SEPTIN4: variants seen among roughly 807,000 people sequenced by gnomAD.
SEPTIN4 encodes the protein septin-4.
A neutral mutation model predicts 107.1 loss-of-function variants in SEPTIN4; 52 were observed. The observed-to-expected ratio is 0.49, with a 90% CI of 0.39 to 0.61. The LOEUF (loss-of-function observed/expected upper bound fraction) is 0.61, where lower values mean the gene tolerates loss of function less well. Among genes scored for constraint, SEPTIN4 ranks in the 20% least tolerant of loss-of-function variants. The pLI is 0.00. For missense variants in SEPTIN4, 1,048 were observed against 1,243.5 expected, an observed-to-expected ratio of 0.84 and a Z score of 2.36; for synonymous variants, 417 against 467.0, an observed-to-expected ratio of 0.89 and a Z score of 1.38.
intron 3 of SEPTIN4, chr17:58,539,271 T>G: frequency 9.0e-7 from 1 of 1,106,612 alleles, no homozygotes; most frequent in Non-Finnish European, 1.3e-6. Flanking sequence ...GCCAAGGCTT[T>G]TGACTTCCTA....
In SEPTIN4 at chr17:58,526,785, TGGG is replaced by T; in HGVS notation, c.1805_1807del (p.Pro602del). The T allele has an allele frequency of 6.2e-7, 1 of 1,613,542 alleles. No homozygotes were observed. The highest frequency in any genetic ancestry group is 2.2e-5 in the East Asian group (1 of 44,860). On this transcript the variant is annotated inframe_deletion, in exon 4 of 14. Coordinates refer to ENST00000672673, the MANE Select transcript of SEPTIN4 (RefSeq NM_001368771.2). ...GAAGTACTGCTGGTTGTCAGAGGACTGGGGCCGCGAGGGGGGTCTGAACTCCAG... is the reference window on the plus strand; with the variant it reads ...GAAGTACTGCTGGTTGTCAGAGGACTGCCGCGAGGGGGGTCTGAACTCCAG...
At chr17:58,525,263 G>A (rs538696419) in intron 6 of SEPTIN4, 62 bp from the exon 7 acceptor site, 129 of 1,592,202 alleles carry the variant, frequency 8.1e-5, no homozygotes, top group African/African-American at 2.1e-4. Context: ...AGGATGAACC[G>A]CCCACCCCAA....
At position 58,526,835 on chromosome 17, in the gene SEPTIN4, G is replaced by A; in HGVS notation, c.1758C>T (p.Ala586=). 1 of 1,613,802 alleles carries A rather than the reference G, an allele frequency of 6.2e-7. No individual in the cohort carries two copies. Among genetic ancestry groups the A allele is most frequent in the Non-Finnish European group, 8.5e-7 (1 of 1,179,928 alleles). The change falls in exon 4 of 14, where the codon GCC becomes GCT. Residue 586 remains alanine, a synonymous_variant. Transcript: ENST00000672673. The part of the protein sequence containing the change: ...RPQVPEPRPQ[A]PDLYDDDLEF... ...CCAGGTCATCATCATAGAGGTCCGG[G>A]GCCTGGGGCCTTGGCTCCGGGACTT...
rs1398699247 is a variant in SEPTIN4, at chr17:58,541,951, A to C, written c.1577T>G (p.Met526Arg). The C allele has an allele frequency of 6.2e-7, 1 of 1,613,890 alleles. No homozygotes were observed. The highest frequency in any genetic ancestry group is 1.1e-5 in the South Asian group (1 of 91,054). ...TAGCCACCAGATGACACGATTGTAC[A>C]TTTCCTCAGAGACATCTGAAAGTAA... ...TAFFLDVSEE[M>R]YNRVIWWLKD... is the part of the protein sequence containing the mutation. The change falls in exon 2 of 14, where the codon ATG (methionine) becomes AGG (arginine). Residue 526 changes from methionine (M) to arginine (R), a missense_variant. Physicochemically the swap from Met to Arg is moderately conservative, Grantham distance 91 (BLOSUM62 -1). Around this residue, in one of 2 missense-constraint regions of SEPTIN4, gnomAD observed 787 missense variants for 871.8 expected, o/e 0.90. Transcript: ENST00000672673.
intron 1 of SEPTIN4, 108 bp downstream of exon 1, chr17:58,542,518 G>T: frequency 7.0e-7 from 1 of 1,428,396 alleles, no homozygotes; most frequent in Non-Finnish European, 9.4e-7. Context: ...GGCACTGGCA[G>T]GAGAGCAGCC....
chr17:58,534,494 T>C (rs1173021242), intron 3 of SEPTIN4, among the ~76,000 whole-genome samples: 2 of 152,234 alleles, frequency 1.3e-5, no homozygotes, highest in African/African-American at 4.8e-5. Context: ...ACAGCAGCCC[T>C]TGCGTCAGTC....
Position 58,533,953 on chromosome 17 carries a change from C to T in SEPTIN4, c.1614+6713G>A, listed in dbSNP as rs534023240. Among the ~76,000 whole-genome samples, 70 of 152,298 alleles carry T rather than the reference C, an allele frequency of 4.6e-4. 1 individual carries two copies. The highest frequency in any genetic ancestry group is 1.7e-3 in the African/African-American group (69 of 41,568). On this transcript the variant is annotated intron_variant, in intron 3 of 13. Transcript: ENST00000672673. The stretch of plus-strand genomic sequence containing the variant: ...TGTTTTCCTCTATTATAACATGCCC[C>T]TCCCCGTGGCCTCAGCTGAATTCCA...
Position 58,526,832 on chromosome 17 carries a change from C to T in SEPTIN4, c.1761G>A (p.Pro587=), listed in dbSNP as rs780626025. 24 of 1,613,590 alleles carry T rather than the reference C, an allele frequency of 1.5e-5. No homozygotes were observed. The highest frequency in any genetic ancestry group is 6.6e-5 in the South Asian group (6 of 91,062). Reference sequence around the variant, plus strand: ...ACTCCAGGTCATCATCATAGAGGTCCGGGGCCTGGGGCCTTGGCTCCGGGA... The same window carrying T: ...ACTCCAGGTCATCATCATAGAGGTCTGGGGCCTGGGGCCTTGGCTCCGGGA... The part of the protein sequence containing the change: ...PQVPEPRPQA[P]DLYDDDLEFR... The change falls in exon 4 of 14, where the codon CCG becomes CCA. Residue 587 remains proline, a synonymous_variant. Transcript: ENST00000672673.
intron 2 of SEPTIN4, chr17:58,541,483 AG>A (rs2043873730): frequency 4.2e-6 from 1 of 235,618 alleles, no homozygotes; most frequent in East Asian, 1.1e-4. Flanking sequence ...TAAGTACCCC[AG>A]GTGGTAAACT....
At chr17:58,541,058 A>G (rs770663965) in intron 2 of SEPTIN4, among the ~76,000 whole-genome samples, 1 of 152,196 alleles carries the variant, frequency 6.6e-6, no homozygotes, top group Non-Finnish European at 1.5e-5. Context: ...TTCGTACTTT[A>G]CTATGCCCCT....
chr17:58,529,527 T>G, intron 3 of SEPTIN4: 2 of 714,198 alleles, frequency 2.8e-6, no homozygotes, highest in South Asian at 6.3e-5. Context: ...AACCTCCCAA[T>G]GTCTGTTTGC....
At chr17:58,539,175 G>T (rs1352242949) in intron 3 of SEPTIN4, 18 of 1,534,594 alleles carry the variant, frequency 1.2e-5, no homozygotes, top group Non-Finnish European at 1.6e-5. Context: ...TTGGCTTCTG[G>T]GGAGCAGCTC....
chr17:58,529,124 A>T (rs2043233517), intron 3 of SEPTIN4: 1 of 1,614,200 alleles, frequency 6.2e-7, no homozygotes, highest in Non-Finnish European at 8.5e-7. Context: ...CCCCAGCTTC[A>T]GTCCTGTCCT....
At chr17:58,524,289 A>T (rs555676614) in intron 7 of SEPTIN4, among the ~76,000 whole-genome samples, 1 of 152,268 alleles carries the variant, frequency 6.6e-6, no homozygotes, top group African/African-American at 2.4e-5. Flanking sequence ...CCCGAATGAT[A>T]GGGGGTTGTG....
rs897075015 is a variant in SEPTIN4 at position 58,540,656 on chromosome 17, G to T, written c.1614+10C>A. ...GAAGACTGGGAGTAACCTCCCAGGG[G>T]CATTCTTACCTCCTCATCTGTCATA... On this transcript the variant is annotated intron_variant, in intron 3 of 13. Transcript: ENST00000672673. 3 of 1,362,204 alleles carry T rather than the reference G, an allele frequency of 2.2e-6. No individual in the cohort carries two copies. Among genetic ancestry groups the T allele is most frequent in the Non-Finnish European group, 2.8e-6 (3 of 1,063,404 alleles). The allele number at this position is 1,362,204 out of a possible 1,614,324, so 84.4% of individuals were successfully genotyped here. A position where few individuals can be genotyped will look rare whatever the true frequency, so the allele number is the denominator to read the frequency against.
chr17:58,520,837 A>C lies in SEPTIN4; in HGVS notation c.2837T>G (p.Leu946Arg), dbSNP rs746376040. 1 of 1,598,840 alleles carries C rather than the reference A, an allele frequency of 6.3e-7. No homozygotes were observed. The highest frequency in any genetic ancestry group is 1.7e-5 in the Admixed American group (1 of 57,234). The change falls in exon 13 of 14, where the codon CTG becomes CGG. Residue 946 changes from leucine to arginine, a missense_variant. Leu to Arg is a moderately radical substitution (Grantham distance 102). Transcript: ENST00000672673. ...LVVKERNRNK[L>R]TRESGTDFPI... ...GAAGTCGGTACCACTTTCCCGAGTCAGTTTGCTAAAGGGAGAAAAGGGTTG... is the reference window on the plus strand; with the variant it reads ...GAAGTCGGTACCACTTTCCCGAGTCCGTTTGCTAAAGGGAGAAAAGGGTTG...
At chr17:58,525,831 C>T in intron 5 of SEPTIN4, 50 bp from the exon 6 acceptor site, 1 of 1,501,452 alleles carries the variant, frequency 6.7e-7, no homozygotes, top group Non-Finnish European at 9.3e-7. Context: ...AGATCTATAG[C>T]CAAAAAGCAA....
In SEPTIN4 at chr17:58,526,211, CT is replaced by C. The variant is rs761782271; in HGVS notation, c.2005+8del. The C allele has an allele frequency of 5.7e-6, 9 of 1,583,322 alleles. No homozygotes were observed. The highest frequency in any genetic ancestry group is 1.2e-5 in the South Asian group (1 of 85,730). ...CACCCTGCCCAACCCAGCCCTGCCC[CT>C]TTTTTACCTGCCACCATGAGGGTAA... On this transcript the variant is annotated splice_region_variant and intron_variant, in intron 5 of 13. Transcript: ENST00000672673.
intron 5 of SEPTIN4, 38 bp from the exon 6 acceptor site, chr17:58,525,819 T>C (rs1426484733): frequency 6.4e-7 from 1 of 1,568,026 alleles, no homozygotes; most frequent in East Asian, 2.2e-5. Context: ...AATCAGAAGG[T>C]AAGATCTATA....
Sources: allele counts gnomAD v4.1 joint callset (sites outside exome capture counted in the v4.1 genomes callset), GRCh38; gene constraint gnomAD v4.1.1; regional missense constraint gnomAD v4.1.1; transcripts MANE v1.5; gene names NCBI Gene and HGNC (gene_info 2026-07-23, HGNC 2026-07-21).